ELMO1: variants seen among roughly 807,000 people sequenced by gnomAD.
ELMO1 encodes the protein engulfment and cell motility 1, also known as engulfment and cell motility protein 1.
In ELMO1, 26 loss-of-function variants were observed where a neutral mutation model predicts 98.9. The observed-to-expected ratio is 0.26, with a 90% CI of 0.19 to 0.36. The LOEUF (loss-of-function observed/expected upper bound fraction) is 0.36. Ranked by LOEUF, ELMO1 falls within the 10% of genes least tolerant of loss-of-function variation. ELMO1 has a pLI of 1.00. For synonymous variants in ELMO1, 346 were observed against 346.0 expected (o/e 1.00, Z 0.00); for missense variants, 627 against 935.2 (o/e 0.67, Z 4.30).
chr7:37,277,422 CA>C (rs901342243), intron 4 of ELMO1, among the ~76,000 whole-genome samples: 1 of 152,204 alleles, frequency 6.6e-6, no homozygotes, highest in African/African-American at 2.4e-5. Flanking sequence ...CATGAAAGGA[CA>C]AGACATCTTC....
chr7:37,141,719 T>C (rs915767793), intron 13 of ELMO1, among the ~76,000 whole-genome samples: 1 of 152,220 alleles, frequency 6.6e-6, no homozygotes, highest in African/African-American at 2.4e-5. Flanking sequence ...ATAAACAGCA[T>C]GAATCTCTGT....
intron 16 of ELMO1, among the ~76,000 whole-genome samples, chr7:37,011,321 T>C (rs1423637436): frequency 6.6e-6 from 1 of 152,160 alleles, no homozygotes; most frequent in South Asian, 2.1e-4. Context: ...CCTAGAGCTA[T>C]GGTCACCTCC....
At chr7:37,039,362 T>C (rs1357222232) in intron 15 of ELMO1, among the ~76,000 whole-genome samples, 1 of 152,140 alleles carries the variant, frequency 6.6e-6, no homozygotes, top group Admixed American at 6.5e-5. Context: ...CTGCAGGCCA[T>C]GAGGAGGGGG....
chr7:37,401,789 T>C (rs1270566608), intron 1 of ELMO1, among the ~76,000 whole-genome samples: 1 of 152,164 alleles, frequency 6.6e-6, no homozygotes. Context: ...TTATAGGAAC[T>C]ACAATTCAAG....
intron 14 of ELMO1, among the ~76,000 whole-genome samples, chr7:37,103,389 C>T (rs1334436589): frequency 6.6e-6 from 1 of 151,830 alleles, no homozygotes; most frequent in East Asian, 1.9e-4. Flanking sequence ...AAAAGTGGTT[C>T]TACATCATTC....
intron 15 of ELMO1, among the ~76,000 whole-genome samples, chr7:37,082,059 T>C (rs1358543874): frequency 6.6e-6 from 1 of 152,218 alleles, no homozygotes; most frequent in Non-Finnish European, 1.5e-5. Flanking sequence ...TTCTTGGGGA[T>C]AGGTATGACT....
At chr7:37,117,606 AG>A (rs1293922131) in intron 14 of ELMO1, among the ~76,000 whole-genome samples, 10 of 152,176 alleles carry the variant, frequency 6.6e-5, no homozygotes, top group Non-Finnish European at 2.9e-5. Context: ...CACACTCTCA[AG>A]GGGTCCCGAT....
At chr7:37,137,318 A>G (rs1787331741) in intron 13 of ELMO1, among the ~76,000 whole-genome samples, 1 of 152,158 alleles carries the variant, frequency 6.6e-6, no homozygotes, top group South Asian at 2.1e-4. Context: ...GCACCACAAT[A>G]ATAGTGGGGG....
chr7:37,114,605 A>G (rs1455748517), intron 14 of ELMO1, among the ~76,000 whole-genome samples: 2 of 152,202 alleles, frequency 1.3e-5, no homozygotes, highest in East Asian at 1.9e-4. Context: ...AGGCAGAGCC[A>G]TTGCTAGAAG....
intron 16 of ELMO1, among the ~76,000 whole-genome samples, chr7:36,926,618 G>A (rs1475900989): frequency 3.9e-5 from 6 of 152,130 alleles, no homozygotes; most frequent in African/African-American, 1.4e-4. Flanking sequence ...TTAGTGTGAG[G>A]AGGAAGAGGA....
chr7:36,902,927 A>G (rs1384914270), intron 16 of ELMO1, among the ~76,000 whole-genome samples: 1 of 152,106 alleles, frequency 6.6e-6, no homozygotes, highest in Non-Finnish European at 1.5e-5. Flanking sequence ...GGTTTACCCA[A>G]CAACCTTCTG....
chr7:37,070,493 G>A (rs1797211802), intron 15 of ELMO1, among the ~76,000 whole-genome samples: 1 of 152,174 alleles, frequency 6.6e-6, no homozygotes, highest in African/African-American at 2.4e-5. Flanking sequence ...TGGAATTTGT[G>A]AACTGTGTGT....
Position 36,877,880 on chromosome 7 carries a change from G to A in ELMO1, c.1822+130C>T, listed in dbSNP as rs932065142. 17 of 673,630 alleles carry A rather than the reference G, an allele frequency of 2.5e-5. No individual in the cohort carries two copies. The East Asian group carries it at 3.3e-4, about 13-fold the overall frequency. The allele number at this position is 673,630 out of a possible 1,614,324, so 41.7% of individuals were successfully genotyped here. A position where few individuals can be genotyped will look rare whatever the true frequency, so the allele number is the denominator to read the frequency against. On this transcript the variant is annotated intron_variant, in intron 19 of 21. Coordinates refer to ENST00000310758, the MANE Select transcript of ELMO1 (RefSeq NM_014800.11). ...TTGTACTTGATGAGATGGCTCAGGC[G>A]ACGACTTACAACTAGATGAGATGTG... is the stretch of plus-strand genomic sequence containing the variant.
chr7:37,419,040 C>A (rs552790689), intron 1 of ELMO1, among the ~76,000 whole-genome samples: 1 of 152,112 alleles, frequency 6.6e-6, no homozygotes, highest in Non-Finnish European at 1.5e-5. Context: ...CTCCTACCCC[C>A]CAGGACTGAG....
chr7:36,877,093 C>T (rs1804044766), intron 19 of ELMO1, among the ~76,000 whole-genome samples: 1 of 152,120 alleles, frequency 6.6e-6, no homozygotes, highest in African/African-American at 2.4e-5. Context: ...GGAAGGTAAT[C>T]CAGATTTGAC....
intron 1 of ELMO1, among the ~76,000 whole-genome samples, chr7:37,439,530 T>C (rs965605862): frequency 1.3e-5 from 2 of 152,328 alleles, no homozygotes; most frequent in African/African-American, 4.8e-5. Flanking sequence ...GGCTACAGCA[T>C]ACAAATTACA....
At chr7:37,031,800 A>G (rs370654523) in intron 15 of ELMO1, among the ~76,000 whole-genome samples, 3 of 152,316 alleles carry the variant, frequency 2.0e-5, no homozygotes, top group South Asian at 4.1e-4. Context: ...AAGTCACCAC[A>G]TTCAAAAATT....
At chr7:37,192,814 ATGT>A (rs1481429026) in intron 13 of ELMO1, among the ~76,000 whole-genome samples, 3 of 143,606 alleles carry the variant, frequency 2.1e-5, no homozygotes, top group Non-Finnish European at 4.5e-5. Context: ...AAAAAAAAAA[ATGT>A]GTGTGTGTGT....
intron 2 of ELMO1, among the ~76,000 whole-genome samples, chr7:37,332,709 C>T (rs749020210): frequency 1.1e-4 from 16 of 152,282 alleles, no homozygotes; most frequent in Middle Eastern, 6.8e-3. Context: ...CAGATGGTGG[C>T]GTTGGGGAAC....
Sources: gnomAD v4.1 joint callset for allele counts (sites outside exome capture counted in the v4.1 genomes callset) on GRCh38, gnomAD v4.1.1 for gene constraint, MANE v1.5 for transcripts, NCBI Gene and HGNC (gene_info 2026-07-23, HGNC 2026-07-21) for gene names.